ACKR3: variants seen among roughly 807,000 people sequenced by gnomAD.
ACKR3 encodes C-X-C chemokine receptor type 7.
ACKR3 carries 6 observed loss-of-function variants against 22.4 expected under a neutral mutation model. That is an observed-to-expected ratio of 0.27 (90% CI 0.15 to 0.53). ACKR3 has a LOEUF of 0.53. Among genes scored for constraint, ACKR3 ranks in the 20% least tolerant of loss-of-function variants. ACKR3 has a pLI of 0.96. For missense variants in ACKR3, 396 were observed against 475.2 expected (o/e 0.83, Z 1.55); for synonymous variants, 209 against 205.2 (o/e 1.02, Z -0.16).
the ACKR3 span, among the ~76,000 whole-genome samples, chr2:236,543,751 A>G: frequency 2.0e-5 from 3 of 151,794 alleles, no homozygotes; most frequent in Non-Finnish European, 4.4e-5. Flanking sequence ...TCTGGAAGTG[A>G]CCAGAATACT....
At chr2:236,576,145 C>T (rs561064808) in intron 1 of ACKR3, among the ~76,000 whole-genome samples, 1 of 152,156 alleles carries the variant, frequency 6.6e-6, no homozygotes, top group South Asian at 2.1e-4. Context: ...TTTCTTAGAC[C>T]CTGGCCTCAA....
intron 1 of ACKR3, among the ~76,000 whole-genome samples, chr2:236,572,736 C>A (rs1317405950): frequency 2.0e-5 from 3 of 152,188 alleles, no homozygotes; most frequent in Non-Finnish European, 2.9e-5. Context: ...GTGGGTATAG[C>A]TTTGCTTCCC....
upstream of ACKR3, among the ~76,000 whole-genome samples, chr2:236,569,339 T>C (rs1691259444): frequency 6.6e-6 from 1 of 152,248 alleles, no homozygotes; most frequent in Admixed American, 6.5e-5. Flanking sequence ...CTGTTACTTC[T>C]GTTTTGGAGG....
At chr2:236,578,907 G>T (rs979732905) in intron 1 of ACKR3, among the ~76,000 whole-genome samples, 4 of 152,216 alleles carry the variant, frequency 2.6e-5, no homozygotes, top group African/African-American at 9.6e-5. Context: ...GAATCCCCAG[G>T]GTTCTTTCTT....
At chr2:236,546,003 C>T in the ACKR3 span, among the ~76,000 whole-genome samples, 48 of 152,312 alleles carry the variant, frequency 3.2e-4, no homozygotes, top group African/African-American at 1.0e-3. The surrounding 1 kb of genome is among the most constrained non-coding windows in gnomAD (Gnocchi z 4.9). Flanking sequence ...GGCCACGTTT[C>T]ACCACTGTAA....
the ACKR3 span, among the ~76,000 whole-genome samples, chr2:236,553,702 C>A: frequency 6.6e-6 from 1 of 152,360 alleles, no homozygotes; most frequent in African/African-American, 2.4e-5. Context: ...TCCCGCCATG[C>A]GGGAGGGGCA....
chr2:236,573,177 G>T (rs1292249431), intron 1 of ACKR3, among the ~76,000 whole-genome samples: 1 of 150,664 alleles, frequency 6.6e-6, no homozygotes, highest in Non-Finnish European at 1.5e-5. Context: ...CAGACACACA[G>T]ACACACACAC....
chr2:236,574,585 A>G lies in ACKR3; in HGVS notation c.-27+4661A>G, dbSNP rs993512736. 6.6e-6 allele frequency among the ~76,000 whole-genome samples: 1 copy of G among 152,030 alleles called. No homozygotes were observed. Among genetic ancestry groups the G allele is most frequent in the Non-Finnish European group, 1.5e-5 (1 of 68,000 alleles). On this transcript the variant is annotated intron_variant, in intron 1 of 1. Coordinates refer to ENST00000272928, the MANE Select transcript of ACKR3 (RefSeq NM_020311.3). This position sits in a 1 kb window ranked among gnomAD's most constrained non-coding sequence, Gnocchi z 5.6. ...GGAGGGACACTGGCCAGGTGCCTGA[A>G]CACGTGGCATTCTCTGGAAGGAACT...
the ACKR3 span, among the ~76,000 whole-genome samples, chr2:236,539,238 T>TTGTGTG: frequency 6.7e-6 from 1 of 150,338 alleles, no homozygotes; most frequent in African/African-American, 2.5e-5. Context: ...ATAGACACAT[T>TTGTGTG]TGTGTGTGTG....
At chr2:236,563,581 T>C (rs993376239), upstream of ACKR3, among the ~76,000 whole-genome samples, 1 of 151,824 alleles carries the variant, frequency 6.6e-6, no homozygotes, top group Admixed American at 6.6e-5. Context: ...AGAAAGAGAA[T>C]TCCAGGAAAT....
At chr2:236,561,913 T>C in the ACKR3 span, among the ~76,000 whole-genome samples, 18,828 of 152,308 alleles carry the variant, frequency 0.12, 1,893 homozygotes, top group African/African-American at 0.28. Flanking sequence ...TGTCAACTGA[T>C]AATAAAAGTT....
chr2:236,565,477 C>T (rs1184762650), upstream of ACKR3, among the ~76,000 whole-genome samples: 1 of 152,106 alleles, frequency 6.6e-6, no homozygotes, highest in Non-Finnish European at 1.5e-5. Flanking sequence ...TGGGAGAGTT[C>T]TGTACAGATC....
the ACKR3 span, among the ~76,000 whole-genome samples, chr2:236,540,996 C>T: frequency 6.6e-6 from 1 of 152,240 alleles, no homozygotes; most frequent in East Asian, 1.9e-4. Flanking sequence ...TCTTACTGCA[C>T]AGCTCCTTGC....
At chr2:236,580,338 C>A (rs1008561497) in intron 1 of ACKR3, 102 bp from the exon 2 acceptor site, 4 of 1,236,250 alleles carry the variant, frequency 3.2e-6, no homozygotes, top group Admixed American at 2.5e-5. Context: ...AACAGCTGAG[C>A]CTATCAGGGC....
At chr2:236,556,350 C>T in the ACKR3 span, among the ~76,000 whole-genome samples, 1 of 152,020 alleles carries the variant, frequency 6.6e-6, no homozygotes, top group Non-Finnish European at 1.5e-5. Context: ...TCTTGAGCTC[C>T]AGAACCTGTG....
At chr2:236,546,194 G>C in the ACKR3 span, among the ~76,000 whole-genome samples, 2 of 152,170 alleles carry the variant, frequency 1.3e-5, no homozygotes, top group African/African-American at 4.8e-5. This position sits in a 1 kb window ranked among gnomAD's most constrained non-coding sequence, Gnocchi z 4.9. Context: ...ATTTGTGATA[G>C]GAAGATGATT....
In ACKR3 at chr2:236,575,492, G is replaced by A. The variant is rs1691391975; in HGVS notation, c.-26-4948G>A. Among the ~76,000 whole-genome samples the A allele has an allele frequency of 2.5e-5, 3 of 121,088 alleles. No homozygotes were observed. In the Admixed American group the frequency reaches 2.6e-4, roughly 11 times the overall value. The allele number at this position is 121,088 out of a possible 152,430, so 79.4% of individuals were successfully genotyped here. A position where few individuals can be genotyped will look rare whatever the true frequency, so the allele number is the denominator to read the frequency against. On this transcript the variant is annotated intron_variant, in intron 1 of 1. Transcript: ENST00000272928. ...GCTGTGTGTGCGTGTGTCTGGGGTT[G>A]TGCTGTGTGTGTGTGTGTCTGGGGT...
the ACKR3 span, among the ~76,000 whole-genome samples, chr2:236,547,076 T>C: frequency 7.5e-3 from 1,135 of 152,296 alleles, 9 homozygotes; most frequent in Non-Finnish European, 0.013. Flanking sequence ...CCACCTGTCT[T>C]AGATGGCATC....
At chr2:236,547,699 T>C in the ACKR3 span, among the ~76,000 whole-genome samples, 1 of 152,242 alleles carries the variant, frequency 6.6e-6, no homozygotes, top group Non-Finnish European at 1.5e-5. Context: ...TCTTTCATCA[T>C]GTTAGAGATA....
Sources: gnomAD v4.1 joint callset for allele counts (sites outside exome capture counted in the v4.1 genomes callset) on GRCh38, gnomAD v4.1.1 for gene constraint, Gnocchi (gnomAD v3.1) non-coding constraint, MANE v1.5 for transcripts, NCBI Gene and HGNC (gene_info 2026-07-23, HGNC 2026-07-21) for gene names.